The following TRAF7 variants were observed in gnomAD, a reference collection of about 807,000 sequenced individuals.
The protein encoded by TRAF7 is E3 ubiquitin-protein ligase TRAF7.
In TRAF7, 45 loss-of-function variants were observed where a neutral mutation model predicts 89.3. That is an observed-to-expected ratio of 0.50 (90% confidence interval 0.40 to 0.65). The LOEUF (loss-of-function observed/expected upper bound fraction) is 0.65. TRAF7 is among the 30% of genes least tolerant of loss of function. The probability of loss-of-function intolerance (pLI) is 0.00; values close to 1 mark genes in which losing one functional copy is unlikely to be tolerated. For missense variants in TRAF7, 677 were observed against 918.1 expected (o/e 0.74, Z 3.39); for synonymous variants, 406 against 369.2 (o/e 1.10, Z -1.14).
intron 2 of TRAF7, among the ~76,000 whole-genome samples, 166 bp downstream of exon 2, chr16:2,164,167 C>A (rs574001593): frequency 5.7e-5 from 6 of 105,666 alleles, no homozygotes; most frequent in African/African-American, 2.5e-4. Context: ...TGTGCGCGCG[C>A]GCGCGCGCGC....
Position 2,168,858 on chromosome 16 carries a change from C to A in TRAF7, c.231+690C>A, listed in dbSNP as rs1037303739. ...GGACAGAGGCCAACTCTACCCTGGGCATGAAGGACTGGCCCAGCAGGGGGT... is the reference window on the plus strand; with the variant it reads ...GGACAGAGGCCAACTCTACCCTGGGAATGAAGGACTGGCCCAGCAGGGGGT... On this transcript the variant is annotated intron_variant, in intron 4 of 20. Coordinates refer to ENST00000326181, the MANE Select transcript of TRAF7 (RefSeq NM_032271.3). The surrounding 1 kb of genome is among the most constrained non-coding windows in gnomAD (Gnocchi z 4.1). 6.6e-6 allele frequency among the ~76,000 whole-genome samples: 1 copy of A among 151,858 alleles called. No homozygotes were observed. Among genetic ancestry groups the A allele is most frequent in the Non-Finnish European group, 1.5e-5 (1 of 67,950 alleles).
At chr16:2,172,706 G>A in intron 9 of TRAF7, 107 bp downstream of exon 9, 1 of 1,327,944 alleles carries the variant, frequency 7.5e-7, no homozygotes, top group African/African-American at 1.5e-5. Flanking sequence ...CGGAGCTGGG[G>A]CCACACCGGG....
intron 3 of TRAF7, among the ~76,000 whole-genome samples, chr16:2,166,433 G>T (rs900681957): frequency 6.6e-6 from 1 of 152,082 alleles, no homozygotes; most frequent in Admixed American, 6.5e-5. Flanking sequence ...TTTTTGAGAC[G>T]GGTGTCACTC....
intron 3 of TRAF7, 47 bp downstream of exon 3, chr16:2,165,983 A>G: frequency 6.2e-7 from 1 of 1,610,084 alleles, no homozygotes; most frequent in Middle Eastern, 1.7e-4. Flanking sequence ...TAACCGGGGC[A>G]CCCCCATGCC....
rs1330409208 is a variant in TRAF7, at chr16:2,174,300, A to G, written c.1313A>G (p.His438Arg). Residue 438 changes from histidine to arginine, a missense_variant, in exon 14 of 21, where the codon CAT becomes CGT. This residue lies in a region of TRAF7 where 160 missense variants were observed against 263.7 expected (regional missense o/e 0.61). Coordinates refer to ENST00000326181, the MANE Select transcript of TRAF7 (RefSeq NM_032271.3). ...AAGTGTCAGAAGACACTGGAGGGCCATGATGGCATCGTGCTGGCTCTCTGC... is the reference window on the plus strand; with the variant it reads ...AAGTGTCAGAAGACACTGGAGGGCCGTGATGGCATCGTGCTGGCTCTCTGC... ...TYKCQKTLEGHDGIVLALCIQ... is the reference protein window; with the variant it reads ...TYKCQKTLEGRDGIVLALCIQ... 3 of 1,613,154 alleles carry G rather than the reference A, an allele frequency of 1.9e-6. No individual in the cohort carries two copies. The highest frequency in any genetic ancestry group is 2.2e-5 in the East Asian group (1 of 44,886).
At chr16:2,164,100 C>G (rs369268735) in intron 2 of TRAF7, 99 bp downstream of exon 2, 5 of 1,150,556 alleles carry the variant, frequency 4.3e-6, no homozygotes, top group East Asian at 5.3e-5. Flanking sequence ...AGTCCCGTCC[C>G]GAGCTGGGGT....
intron 2 of TRAF7, among the ~76,000 whole-genome samples, chr16:2,165,465 C>T (rs537076732): frequency 2.3e-3 from 293 of 129,440 alleles, no homozygotes; most frequent in African/African-American, 8.6e-3. Flanking sequence ...GGCCTGGTCG[C>T]ATGGTTAAGC....
rs984170978 is a variant in TRAF7 at position 2,163,053 on chromosome 16, T to A, written c.-38-830T>A. 3.9e-5 allele frequency among the ~76,000 whole-genome samples: 6 copies of A among 152,074 alleles called. No individual in the cohort carries two copies. Among genetic ancestry groups the A allele is most frequent in the Admixed American group, 3.3e-4 (5 of 15,278 alleles). ...GGTGTGACCTGTTGGCTGGGTCTCT[T>A]TTTCTCTCTAATGTTTACCTTCCCC... On this transcript the variant is annotated intron_variant, in intron 1 of 20. Transcript: ENST00000326181. This position sits in a 1 kb window ranked among gnomAD's most constrained non-coding sequence, Gnocchi z 4.3.
rs555538633 is a variant in TRAF7 at position 2,163,329 on chromosome 16, G to A, written c.-38-554G>A. On this transcript the variant is annotated intron_variant, in intron 1 of 20. Coordinates refer to ENST00000326181, the MANE Select transcript of TRAF7 (RefSeq NM_032271.3). The surrounding 1 kb of genome is among the most constrained non-coding windows in gnomAD (Gnocchi z 4.3). ...TGCGGTTTGTGTGGAGTTGGGCTCC[G>A]GTGACTCACCCTGCAGGTTCTTTCT... 4.6e-5 allele frequency among the ~76,000 whole-genome samples: 7 copies of A among 152,210 alleles called. No individual in the cohort carries two copies. Among genetic ancestry groups the A allele is most frequent in the African/African-American group, 7.2e-5 (3 of 41,460 alleles).
At position 2,164,998 on chromosome 16, in the gene TRAF7, T is replaced by C. The variant is rs1226011012; in HGVS notation, c.82-881T>C. Among the ~76,000 whole-genome samples the C allele has an allele frequency of 4.7e-5, 5 of 105,428 alleles. No individual in the cohort carries two copies. In the South Asian group the frequency reaches 1.5e-3, roughly 32 times the overall value. 69.2% of individuals were successfully genotyped at this position (105,428 alleles called of 152,430 possible). On this transcript the variant is annotated intron_variant, in intron 2 of 20. Transcript: ENST00000326181. ...CATGGTTAAGCGTGTGAGTGCTGCG[T>C]GGCCTGGCCTGGTCGCATGGTTAAG...
chr16:2,171,732 G>C, intron 7 of TRAF7, 127 bp downstream of exon 7: 1 of 1,438,910 alleles, frequency 6.9e-7, no homozygotes, highest in Non-Finnish European at 9.6e-7. Flanking sequence ...GGGTTGGGAT[G>C]GGGCTGCAGC....
At position 2,173,373 on chromosome 16, in the gene TRAF7, T is replaced by A; in HGVS notation, c.986T>A (p.Leu329Gln). 6.2e-7 allele frequency: 1 copy of A among 1,613,344 alleles called. No individual in the cohort carries two copies. Among genetic ancestry groups the A allele is most frequent in the Non-Finnish European group, 8.5e-7 (1 of 1,179,954 alleles). The change falls in exon 10 of 21, where the codon CTA becomes CAA. Residue 329 changes from leucine (L) to glutamine (Q), a missense_variant. Physicochemically the swap from Leu to Gln is moderately radical, Grantham distance 113. Around this residue, in one of 6 missense-constraint regions of TRAF7, gnomAD observed 238 missense variants for 352.6 expected, o/e 0.67. Transcript: ENST00000326181. ...LGKLSEKIDQ[L>Q]EKSLELKFDV... is the part of the protein sequence containing the mutation. ...AAGCTCTCGGAGAAGATCGACCAGC[T>A]AGAGAAGAGCCTGGAGCTCAAGTTT...
intron 2 of TRAF7, among the ~76,000 whole-genome samples, chr16:2,165,066 G>C (rs113439470): frequency 2.6e-5 from 3 of 115,304 alleles, no homozygotes; most frequent in Non-Finnish European, 1.6e-5. Context: ...ATGCTGAAGC[G>C]TGTGAGTGCT....
rs944566160 is a variant in TRAF7 at position 2,159,549 on chromosome 16, G to A, written c.-39+3691G>A. Reference sequence around the variant, plus strand: ...TTAGCGGCCTGGGCTTGGGCCAGGGGGCTGAGGCAGGGGCTGGGCTGGGGC... The same window carrying A: ...TTAGCGGCCTGGGCTTGGGCCAGGGAGCTGAGGCAGGGGCTGGGCTGGGGC... On this transcript the variant is annotated intron_variant, in intron 1 of 20. Coordinates refer to ENST00000326181, the MANE Select transcript of TRAF7 (RefSeq NM_032271.3). The surrounding 1 kb of genome is among the most constrained non-coding windows in gnomAD (Gnocchi z 6.5). Among the ~76,000 whole-genome samples the A allele has an allele frequency of 1.8e-4, 28 of 152,232 alleles. No individual in the cohort carries two copies. The highest frequency in any genetic ancestry group is 6.8e-4 in the African/African-American group (28 of 41,458).
Position 2,178,027 on chromosome 16 carries a change from A to G in TRAF7, c.*1453A>G, listed in dbSNP as rs913013600. 1 of 436,844 alleles carries G rather than the reference A, an allele frequency of 2.3e-6. No homozygotes were observed. Among genetic ancestry groups the G allele is most frequent in the Non-Finnish European group, 4.3e-6 (1 of 232,330 alleles). The allele number at this position is 436,844 out of a possible 1,614,324, so 27.1% of individuals were successfully genotyped here. A position where few individuals can be genotyped will look rare whatever the true frequency, so the allele number is the denominator to read the frequency against. ...AATGGTTTTCTATAGAATCAATAATATTTCTTTCTTTAAATATATATTTGT... is the reference window on the plus strand; with the variant it reads ...AATGGTTTTCTATAGAATCAATAATGTTTCTTTCTTTAAATATATATTTGT... On this transcript the variant is annotated 3_prime_UTR_variant, in exon 21 of 21. Transcript: ENST00000326181.
At position 2,176,927 on chromosome 16, in the gene TRAF7, C is replaced by T. The variant is rs1455374168; in HGVS notation, c.*353C>T. 6 of 469,076 alleles carry T rather than the reference C, an allele frequency of 1.3e-5. No homozygotes were observed. The highest frequency in any genetic ancestry group is 2.0e-5 in the Non-Finnish European group (5 of 253,698). The allele number at this position is 469,076 out of a possible 1,614,324, so 29.1% of individuals were successfully genotyped here. A position where few individuals can be genotyped will look rare whatever the true frequency, so the allele number is the denominator to read the frequency against. ...TTACCTCCTGGTTGAAATAAATGCT[C>T]CACAGACTGTGGCTGTGAGTGGGGA... On this transcript the variant is annotated 3_prime_UTR_variant, in exon 21 of 21. Coordinates refer to ENST00000326181, the MANE Select transcript of TRAF7 (RefSeq NM_032271.3).
At position 2,168,887 on chromosome 16, in the gene TRAF7, G is replaced by T. The variant is rs1362946995; in HGVS notation, c.231+719G>T. On this transcript the variant is annotated intron_variant, in intron 4 of 20. Coordinates refer to ENST00000326181, the MANE Select transcript of TRAF7 (RefSeq NM_032271.3). This position sits in a 1 kb window ranked among gnomAD's most constrained non-coding sequence, Gnocchi z 4.1. The stretch of plus-strand genomic sequence containing the variant: ...AAGGACTGGCCCAGCAGGGGGTGGG[G>T]GTGTGTGGGGCCTCTCTGGCAGCTG... 6.6e-6 allele frequency among the ~76,000 whole-genome samples: 1 copy of T among 152,170 alleles called. No individual in the cohort carries two copies. Among genetic ancestry groups the T allele is most frequent in the Non-Finnish European group, 1.5e-5 (1 of 68,026 alleles).
At chr16:2,172,794 A>C (rs1227991922) in intron 9 of TRAF7, among the ~76,000 whole-genome samples, 195 bp downstream of exon 9, 1 of 149,268 alleles carries the variant, frequency 6.7e-6, no homozygotes, top group African/African-American at 2.5e-5. Flanking sequence ...GCGGGCGTGG[A>C]CGCTCCCGCA....
intron 1 of TRAF7, 119 bp downstream of exon 1, chr16:2,155,977 C>A (rs954282081): frequency 7.8e-5 from 1 of 12,798 alleles, no homozygotes; most frequent in Non-Finnish European, 1.8e-4. Flanking sequence ...CGGGCCGGGG[C>A]GGGGAGGGGG....
Sources: gnomAD v4.1 joint callset for allele counts (sites outside exome capture counted in the v4.1 genomes callset) on GRCh38, gnomAD v4.1.1 for gene constraint, gnomAD v4.1.1 regional missense constraint, Gnocchi (gnomAD v3.1) non-coding constraint, MANE v1.5 for transcripts, NCBI Gene and HGNC (gene_info 2026-07-23, HGNC 2026-07-21) for gene names.